The following KIAA1210 variants were observed in gnomAD, a reference collection of about 807,000 sequenced individuals.
KIAA1210 encodes the protein KIAA1210.
KIAA1210 carries 48 observed loss-of-function variants against 78.9 expected under a neutral mutation model. The ratio of observed to expected loss-of-function variants is 0.61; its 90% confidence interval spans 0.48 to 0.77. The LOEUF (loss-of-function observed/expected upper bound fraction) is 0.77, where lower values mean the gene tolerates loss of function less well. Among genes scored for constraint, KIAA1210 ranks in the 30% least tolerant of loss-of-function variants. KIAA1210 has a pLI of 0.00. For synonymous variants in KIAA1210, 406 were observed against 404.5 expected, an observed-to-expected ratio of 1.00 and a Z score of -0.04; for missense variants, 1,108 against 1,100.0, an observed-to-expected ratio of 1.01 and a Z score of -0.10.
At chrX:119,147,420 A>T (rs1680978618) in intron 2 of KIAA1210, 14 of 1,195,971 alleles carry the variant, frequency 1.2e-5, no homozygotes, top group Non-Finnish European at 1.6e-5. Flanking sequence ...AATTTACAAT[A>T]GTAATTCCCT....
chrX:119,135,147 C>T (rs1053058077), intron 2 of KIAA1210, among the ~76,000 whole-genome samples: 20 of 111,732 alleles, frequency 1.8e-4, no homozygotes, highest in Admixed American at 6.7e-4. Context: ...AGGACTCAAA[C>T]CCAGTTCTGG....
At chrX:119,149,103 C>A (rs1929232173) in intron 1 of KIAA1210, among the ~76,000 whole-genome samples, 1 of 109,483 alleles carries the variant, frequency 9.1e-6, no homozygotes, top group African/African-American at 3.3e-5. Context: ...TGAGCCAGCA[C>A]CATTTCCCTC....
intron 8 of KIAA1210, among the ~76,000 whole-genome samples, chrX:119,091,747 A>G (rs905060858): frequency 4.5e-5 from 5 of 112,191 alleles, no homozygotes; most frequent in Non-Finnish European, 9.4e-5. Context: ...AAAATGTGAT[A>G]CTACTCAGGC....
intron 7 of KIAA1210, 44 bp downstream of exon 7, chrX:119,096,445 CATCTT>C (rs751880413): frequency 3.3e-5 from 36 of 1,090,370 alleles, no homozygotes; most frequent in Non-Finnish European, 4.4e-5. Context: ...GGTTGGAACT[CATCTT>C]TTCTTATACA....
intron 3 of KIAA1210, 91 bp downstream of exon 3, chrX:119,116,405 T>A: frequency 1.1e-6 from 1 of 909,187 alleles, no homozygotes; most frequent in Non-Finnish European, 1.5e-6. Flanking sequence ...ACTCTTGGTG[T>A]CCCTGGTGAT....
At chrX:119,121,959 AG>A (rs1569320985) in intron 2 of KIAA1210, among the ~76,000 whole-genome samples, 1 of 103,832 alleles carries the variant, frequency 9.6e-6, no homozygotes, top group Non-Finnish European at 2.0e-5. Flanking sequence ...TAATAGAGAC[AG>A]GGTTTCACCG....
At position 119,088,071 on chromosome X, in the gene KIAA1210, G is replaced by T; in HGVS notation, c.2631C>A (p.Cys877Ter). The T allele has an allele frequency of 8.3e-7, 1 of 1,211,130 alleles. No homozygotes were observed. The highest frequency in any genetic ancestry group is 1.1e-6 in the Non-Finnish European group (1 of 895,119). Residue 877 changes from cysteine to a stop codon, truncating the protein, a stop_gained, in exon 9 of 12, where the codon TGC (cysteine) becomes TGA (stop). Transcript: ENST00000691062. LOFTEE classifies it high-confidence loss of function. ...TAGGCCTCTCCGAGGGCTGGGAAAG[G>T]CATCTGGGAGGCAGCGGTTCCACAT... ...GTYVEPLPPR[C>*]LSQPSERPKF...
intron 5 of KIAA1210, among the ~76,000 whole-genome samples, 178 bp from the exon 6 acceptor site, chrX:119,105,325 A>G: frequency 8.9e-6 from 1 of 112,036 alleles, no homozygotes; most frequent in Middle Eastern, 4.6e-3. Context: ...CTTCATTCCT[A>G]GTACCTACTC....
intron 6 of KIAA1210, among the ~76,000 whole-genome samples, chrX:119,102,440 A>G (rs1156374816): frequency 9.0e-6 from 1 of 111,226 alleles, no homozygotes; most frequent in African/African-American, 3.3e-5. Flanking sequence ...ACACACAGGC[A>G]TGATCATAGT....
At chrX:119,101,624 C>T (rs1327571112) in intron 6 of KIAA1210, among the ~76,000 whole-genome samples, 1 of 111,090 alleles carries the variant, frequency 9.0e-6, no homozygotes, top group Non-Finnish European at 1.9e-5. Context: ...CTTCTGTGCC[C>T]ATTCCTGAGA....
At chrX:119,133,663 TTTTC>T (rs202209845) in intron 2 of KIAA1210, among the ~76,000 whole-genome samples, 1,657 of 107,249 alleles carry the variant, frequency 0.015, 46 homozygotes, top group African/African-American at 0.054. Flanking sequence ...TTTCTTTTTC[TTTTC>T]TTTCTTTTTT....
chrX:119,108,640 G>A (rs1488703549), intron 4 of KIAA1210, among the ~76,000 whole-genome samples, 169 bp from the exon 5 acceptor site: 1 of 110,642 alleles, frequency 9.0e-6, no homozygotes, highest in Non-Finnish European at 1.9e-5. Context: ...CAAGGCGGGA[G>A]GGTTGCTTGG....
At chrX:119,092,714 TCA>T (rs1927416891) in intron 8 of KIAA1210, among the ~76,000 whole-genome samples, 1 of 108,909 alleles carries the variant, frequency 9.2e-6, no homozygotes, top group East Asian at 2.9e-4. Context: ...TGAGCCGAGA[TCA>T]TGCCACTGCA....
At chrX:119,142,505 C>G (rs1929070142) in intron 2 of KIAA1210, among the ~76,000 whole-genome samples, 1 of 111,079 alleles carries the variant, frequency 9.0e-6, no homozygotes, top group African/African-American at 3.3e-5. Context: ...GAGGTGGGCA[C>G]AGTGCCTCAC....
At chrX:119,083,210 T>G (rs1927022071) in intron 10 of KIAA1210, 90 bp from the exon 11 acceptor site, 1 of 583,412 alleles carries the variant, frequency 1.7e-6, no homozygotes, top group South Asian at 3.6e-5. Flanking sequence ...GTGCAAGCCC[T>G]GTCCTGGGTA....
intron 2 of KIAA1210, among the ~76,000 whole-genome samples, chrX:119,141,103 C>T (rs1381995085): frequency 4.5e-5 from 5 of 111,738 alleles, no homozygotes; most frequent in Non-Finnish European, 7.5e-5. Flanking sequence ...AGGAGGCAGA[C>T]GCGCCCGTGC....
At position 119,081,285 on chromosome X, in the gene KIAA1210, AAAAAC is replaced by A; in HGVS notation, c.*39_*43del. On this transcript the variant is annotated 3_prime_UTR_variant, in exon 12 of 12. Transcript: ENST00000691062. ...CTGTCTCAAAAAAAAAAAAAAAAAA[AAAAAC>A]TAAATAAAATAAATGCTGATGCTCC... The A allele has an allele frequency of 9.9e-7, 1 of 1,009,306 alleles. No homozygotes were observed. Among genetic ancestry groups the A allele is most frequent in the Non-Finnish European group, 1.3e-6 (1 of 760,086 alleles). 83.2% of individuals were successfully genotyped at this position (1,009,306 alleles called of 1,213,427 possible).
Position 119,109,334 on chromosome X carries a change from A to T in KIAA1210, c.231-132T>A, listed in dbSNP as rs73592478. ...AGGGATGCATATGTGCTGACATAGAAAGTGGTTCATGAGATAGTAAGTGAA... is the reference window on the plus strand; with the variant it reads ...AGGGATGCATATGTGCTGACATAGATAGTGGTTCATGAGATAGTAAGTGAA... On this transcript the variant is annotated intron_variant, in intron 3 of 11. Coordinates refer to ENST00000691062, the MANE Select transcript of KIAA1210 (RefSeq NM_001394962.1). 3.4e-3 allele frequency: 2,060 copies of T among 600,952 alleles called. 33 individuals carry two copies. The African/African-American group carries it at 0.042, about 12-fold the overall frequency. 49.5% of individuals were successfully genotyped at this position (600,952 alleles called of 1,213,427 possible).
In KIAA1210 at chrX:119,150,565, C is replaced by T. The variant is rs766193202; in HGVS notation, c.15G>A (p.Trp5Ter). 2 of 1,205,652 alleles carry T rather than the reference C, an allele frequency of 1.7e-6. No homozygotes were observed. The highest frequency in any genetic ancestry group is 2.2e-6 in the Non-Finnish European group (2 of 893,256). Reference sequence around the variant, plus strand: ...GAAAGGCAGAGAAGCCTCGAGGCGTCCAGCCGGCCCTCATTTCCCCGCGTA... The same window carrying T: ...GAAAGGCAGAGAAGCCTCGAGGCGTTCAGCCGGCCCTCATTTCCCCGCGTA... Residue 5 changes from tryptophan (W) to a stop codon, truncating the protein, a stop_gained, in exon 1 of 14, where the codon TGG (tryptophan) becomes TGA (stop). Transcript: ENST00000402510. LOFTEE classifies it high-confidence loss of function.
Sources: allele counts gnomAD v4.1 joint callset (sites outside exome capture counted in the v4.1 genomes callset), GRCh38; gene constraint gnomAD v4.1.1; transcripts MANE v1.5; gene names NCBI Gene and HGNC (gene_info 2026-07-23, HGNC 2026-07-21).